The following TOR1AIP1 variants were observed in gnomAD, a reference collection of about 807,000 sequenced individuals.
TOR1AIP1 encodes torsin-1A-interacting protein 1.
A neutral mutation model predicts 63.3 loss-of-function variants in TOR1AIP1; 54 were observed. The observed-to-expected ratio is 0.85, with a 90% CI of 0.69 to 1.07. The LOEUF (loss-of-function observed/expected upper bound fraction) is 1.07. Ranked by LOEUF, TOR1AIP1 falls within the 50% of genes least tolerant of loss-of-function variation. The pLI is 0.00. For missense variants in TOR1AIP1, 736 were observed against 715.0 expected (o/e 1.03, Z -0.33); for synonymous variants, 294 against 273.5 (o/e 1.07, Z -0.74).
At chr1:179,907,095 CA>C (rs1288991689) in intron 6 of TOR1AIP1, among the ~76,000 whole-genome samples, 2 of 151,294 alleles carry the variant, frequency 1.3e-5, no homozygotes, top group African/African-American at 4.8e-5. Context: ...AAGAATTAAG[CA>C]AAATTGGCTG....
At chr1:179,899,525 A>G (rs1648382223) in intron 3 of TOR1AIP1, among the ~76,000 whole-genome samples, 1 of 152,216 alleles carries the variant, frequency 6.6e-6, no homozygotes, top group African/African-American at 2.4e-5. Context: ...GAGAATGAGA[A>G]TATAGCAAAC....
intron 4 of TOR1AIP1, among the ~76,000 whole-genome samples, chr1:179,900,753 C>T (rs1648432549): frequency 1.3e-5 from 2 of 152,158 alleles, no homozygotes; most frequent in Admixed American, 1.3e-4. Context: ...ATAATATTTT[C>T]TATTATGGTA....
chr1:179,909,702 C>T (rs1360404715), intron 8 of TOR1AIP1, among the ~76,000 whole-genome samples: 1 of 152,130 alleles, frequency 6.6e-6, no homozygotes, highest in Non-Finnish European at 1.5e-5. Context: ...TCCCTGAATG[C>T]TGGGATTACA....
At position 179,882,663 on chromosome 1, in the gene TOR1AIP1, G is replaced by A. The variant is rs1344989599; in HGVS notation, c.161G>A (p.Arg54Gln). ...AGAACTCCTCCGTCGCGCCAGGGCC[G>A]GCGGGAAGTGAGGTTCTCGGACGAG... ...AYRTPPSRQG[R>Q]REVRFSDEPP... The change falls in exon 1 of 10, where the codon CGG (arginine) becomes CAG (glutamine). Residue 54 changes from arginine to glutamine, a missense_variant. Around this residue, in one of 2 missense-constraint regions of TOR1AIP1, gnomAD observed 464 missense variants for 371.0 expected, o/e 1.25. Transcript: ENST00000606911. The A allele has an allele frequency of 1.3e-6, 2 of 1,588,602 alleles. No homozygotes were observed. The highest frequency in any genetic ancestry group is 1.7e-6 in the Non-Finnish European group (2 of 1,166,642).
chr1:179,884,984 A>G (rs2148470098), intron 2 of TOR1AIP1, among the ~76,000 whole-genome samples: 1 of 152,310 alleles, frequency 6.6e-6, no homozygotes, highest in East Asian at 1.9e-4. Flanking sequence ...ATTCTGTAAG[A>G]TCACATATGT....
chr1:179,894,286 C>A (rs539771494), intron 3 of TOR1AIP1, among the ~76,000 whole-genome samples: 2 of 151,596 alleles, frequency 1.3e-5, no homozygotes, highest in Non-Finnish European at 2.9e-5. Context: ...CGACAAATCA[C>A]GCAAATGGTC....
At chr1:179,883,772 G>T in intron 1 of TOR1AIP1, 1 of 443,948 alleles carries the variant, frequency 2.3e-6, no homozygotes, top group Non-Finnish European at 4.6e-6. Flanking sequence ...TGAGTGTATA[G>T]TGTTAGGTAA....
intron 8 of TOR1AIP1, among the ~76,000 whole-genome samples, chr1:179,910,176 C>G (rs1045698617): frequency 1.3e-5 from 2 of 152,168 alleles, no homozygotes; most frequent in Non-Finnish European, 2.9e-5. Context: ...TATGGAAATG[C>G]GTCCACGTTA....
chr1:179,882,811 G>A lies in TOR1AIP1; in HGVS notation c.309G>A (p.Ala103=). The A allele has an allele frequency of 1.2e-6, 2 of 1,614,202 alleles. No homozygotes were observed. Among genetic ancestry groups the A allele is most frequent in the Non-Finnish European group, 1.7e-6 (2 of 1,180,030 alleles). Reference sequence around the variant, plus strand: ...CGAAAGAGGAAGTGAGAGAAAGCGCGTACTACCTTCGGTCTAGGCAGCGGA... The same window carrying A: ...CGAAAGAGGAAGTGAGAGAAAGCGCATACTACCTTCGGTCTAGGCAGCGGA... The part of the protein sequence containing the change: ...DSAKEEVRES[A]YYLRSRQRRQ... The change falls in exon 1 of 10, where the codon GCG becomes GCA. Residue 103 remains alanine, a synonymous_variant. Coordinates refer to ENST00000606911, the MANE Select transcript of TOR1AIP1 (RefSeq NM_015602.4).
chr1:179,905,316 G>C (rs1648597834), intron 6 of TOR1AIP1, among the ~76,000 whole-genome samples: 1 of 152,142 alleles, frequency 6.6e-6, no homozygotes, highest in Non-Finnish European at 1.5e-5. Context: ...GCAGTGCGGA[G>C]CTTGCCGTGA....
intron 2 of TOR1AIP1, among the ~76,000 whole-genome samples, chr1:179,886,760 TAA>T (rs1252044429): frequency 6.6e-6 from 1 of 152,210 alleles, no homozygotes; most frequent in Non-Finnish European, 1.5e-5. Context: ...TTACTAGAAA[TAA>T]GAGTATGTCT....
chr1:179,908,733 C>T, intron 8 of TOR1AIP1, 60 bp downstream of exon 8: 1 of 1,410,896 alleles, frequency 7.1e-7, no homozygotes, highest in Admixed American at 1.9e-5. Flanking sequence ...TTTTTCTTGA[C>T]AAAAATATTT....
chr1:179,917,459 T>C lies in TOR1AIP1; in HGVS notation c.972T>C (p.Thr324=), dbSNP rs779299415. ...TCTTTTTTGTCTGAGTAGAAGTGAC[T>C]GGACAACCCCAAAATGCATCTTTTG... ...QSPSTSSRQV[T]GQPQNASFVK... The change falls in exon 10 of 10, where the codon ACT becomes ACC. Residue 324 remains threonine, a synonymous_variant. Transcript: ENST00000606911. 1 of 1,611,040 alleles carries C rather than the reference T, an allele frequency of 6.2e-7. No individual in the cohort carries two copies. The highest frequency in any genetic ancestry group is 1.3e-5 in the African/African-American group (1 of 74,728).
intron 8 of TOR1AIP1, among the ~76,000 whole-genome samples, chr1:179,910,549 A>C (rs1648801316): frequency 6.6e-6 from 1 of 152,190 alleles, no homozygotes; most frequent in African/African-American, 2.4e-5. Context: ...TGCTGTGATT[A>C]TGTGCCTGCT....
rs535717473 is a variant in TOR1AIP1, at chr1:179,914,531, C to T, written c.964+477C>T. 2.0e-5 allele frequency among the ~76,000 whole-genome samples: 3 copies of T among 152,330 alleles called. No homozygotes were observed. In the East Asian group the frequency reaches 5.8e-4, roughly 29 times the overall value. On this transcript the variant is annotated intron_variant, in intron 9 of 9. Coordinates refer to ENST00000606911, the MANE Select transcript of TOR1AIP1 (RefSeq NM_015602.4). ...ACTTAATGGGCTGAGCGTGGTGGCT[C>T]ATGCCTGTAATCTCAGCACTTTGGG...
intron 1 of TOR1AIP1, chr1:179,883,469 G>T (rs1647810349): frequency 2.7e-6 from 1 of 373,942 alleles, no homozygotes; most frequent in Admixed American, 3.2e-5. Context: ...GAGAAATTTT[G>T]TGAGTGGGCA....
rs531506914 is a variant in TOR1AIP1, at chr1:179,882,704, G to A, written c.202G>A (p.Gly68Ser). 2 of 1,612,680 alleles carry A rather than the reference G, an allele frequency of 1.2e-6. No individual in the cohort carries two copies. Among genetic ancestry groups the A allele is most frequent in the African/African-American group, 1.3e-5 (1 of 74,980 alleles). The change falls in exon 1 of 10, where the codon GGC becomes AGC. Residue 68 changes from glycine to serine, a missense_variant. Around this residue, in one of 2 missense-constraint regions of TOR1AIP1, gnomAD observed 464 missense variants for 371.0 expected, o/e 1.25. Transcript: ENST00000606911. ...CTCGGACGAGCCGCCAGAAGTGTAC[G>A]GCGACTTCGAGCCCCTGGTGGCCAA... ...RFSDEPPEVY[G>S]DFEPLVAKER...
intron 9 of TOR1AIP1, among the ~76,000 whole-genome samples, chr1:179,914,937 A>G (rs1241891038): frequency 6.6e-6 from 1 of 152,212 alleles, no homozygotes; most frequent in Non-Finnish European, 1.5e-5. Flanking sequence ...GTACCAGGAA[A>G]TTAAAGTTGA....
At chr1:179,903,588 C>T (rs1385045263) in intron 5 of TOR1AIP1, among the ~76,000 whole-genome samples, 6 of 151,534 alleles carry the variant, frequency 4.0e-5, no homozygotes, top group Admixed American at 2.6e-4. Flanking sequence ...GCTCGCTGCA[C>T]CTCTGTCTCC....
Sources: allele counts gnomAD v4.1 joint callset (sites outside exome capture counted in the v4.1 genomes callset), GRCh38; gene constraint gnomAD v4.1.1; regional missense constraint gnomAD v4.1.1; transcripts MANE v1.5; gene names NCBI Gene and HGNC (gene_info 2026-07-23, HGNC 2026-07-21).